CLPX: variants seen among roughly 807,000 people sequenced by gnomAD.
CLPX encodes the protein ATP-dependent clpX-like chaperone, mitochondrial.
In CLPX, 34 loss-of-function variants were observed where a neutral mutation model predicts 76.4. The observed-to-expected ratio is 0.45, with a 90% confidence interval of 0.34 to 0.59. The LOEUF is 0.59. CLPX is among the 20% of genes least tolerant of loss of function. The pLI, the probability that CLPX is intolerant of heterozygous loss-of-function variation, is 0.01. For synonymous variants in CLPX, 248 were observed against 270.9 expected (o/e 0.92, Z 0.83); for missense variants, 613 against 757.0 (o/e 0.81, Z 2.23).
chr15:65,152,224 G>A (rs190214065), intron 13 of CLPX, among the ~76,000 whole-genome samples: 3 of 152,048 alleles, frequency 2.0e-5, no homozygotes, highest in Admixed American at 2.0e-4. Flanking sequence ...CACCACACCC[G>A]GCCTGATGAT....
chr15:65,164,423 TG>T (rs1343163956), intron 4 of CLPX, among the ~76,000 whole-genome samples: 1 of 152,192 alleles, frequency 6.6e-6, no homozygotes, highest in Admixed American at 6.5e-5. Flanking sequence ...ACTCTACTAG[TG>T]TTGTGCTAAT....
rs749678591 is a variant in CLPX at position 65,152,485 on chromosome 15, A to G, written c.1756T>C (p.Cys586Arg). The change falls in exon 13 of 14, where the codon TGT becomes CGT. Residue 586 changes from cysteine (C) to arginine (R), a missense_variant. Physicochemically the swap from Cys to Arg is radical, Grantham distance 180. Coordinates refer to ENST00000300107, the MANE Select transcript of CLPX (RefSeq NM_006660.5). ...ACTACTTCTTTGTCAACCTCCACAC[A>G]TACGATATCAGAATTAGGGACTTCA... ...MFEVPNSDIV[C>R]VEVDKEVVEG... The G allele has an allele frequency of 3.8e-6, 6 of 1,562,226 alleles. No individual in the cohort carries two copies. In the East Asian group the frequency reaches 9.5e-5, roughly 25 times the overall value.
At chr15:65,169,062 C>G (rs377629576) in intron 3 of CLPX, among the ~76,000 whole-genome samples, 1 of 146,450 alleles carries the variant, frequency 6.8e-6, no homozygotes, top group Admixed American at 6.9e-5. Flanking sequence ...CTTGCTCTGT[C>G]GCCCAGGCTG....
chr15:65,165,557 G>A (rs1475149542), intron 4 of CLPX, among the ~76,000 whole-genome samples: 1 of 151,480 alleles, frequency 6.6e-6, no homozygotes, highest in Admixed American at 6.6e-5. Context: ...CTAATTTTTT[G>A]TATTTTTTTA....
intron 1 of CLPX, among the ~76,000 whole-genome samples, chr15:65,183,498 AG>A: frequency 6.7e-6 from 1 of 150,096 alleles, no homozygotes; most frequent in Non-Finnish European, 1.5e-5. Flanking sequence ...AAAATAAGAC[AG>A]ACAGAAAGAC....
rs1480168918 is a variant in CLPX at position 65,148,390 on chromosome 15, T to C, written c.*2433A>G. 1 of 152,214 alleles carries C rather than the reference T, an allele frequency of 6.6e-6. No individual in the cohort carries two copies. The highest frequency in any genetic ancestry group is 2.4e-5 in the African/African-American group (1 of 41,450). The allele number at this position is 152,214 out of a possible 1,614,324, so 9.4% of individuals were successfully genotyped here. A position where few individuals can be genotyped will look rare whatever the true frequency, so the allele number is the denominator to read the frequency against. On this transcript the variant is annotated 3_prime_UTR_variant, in exon 14 of 14. Coordinates refer to ENST00000300107, the MANE Select transcript of CLPX (RefSeq NM_006660.5). ...CATTTCTGGAGGATTAACCTTAATA[T>C]GTTTAGCAGCTAGTCTGATTTCCAC...
chr15:65,158,545 A>G, intron 7 of CLPX, 30 bp downstream of exon 7: 1 of 1,553,284 alleles, frequency 6.4e-7, no homozygotes. Flanking sequence ...TTTTAAAATG[A>G]GTAGTAAATT....
At chr15:65,157,702 C>A (rs1329935242) in intron 8 of CLPX, 44 bp downstream of exon 8, 1 of 1,536,292 alleles carries the variant, frequency 6.5e-7, no homozygotes, top group South Asian at 1.2e-5. Context: ...TAGACTGATT[C>A]CCCAATATTC....
rs2087699453 is a variant in CLPX, at chr15:65,149,930, A to T, written c.*893T>A. The T allele has an allele frequency of 6.5e-6, 1 of 154,794 alleles. No individual in the cohort carries two copies. The highest frequency in any genetic ancestry group is 1.4e-5 in the Non-Finnish European group (1 of 69,698). The allele number at this position is 154,794 out of a possible 1,614,324, so 9.6% of individuals were successfully genotyped here. A position where few individuals can be genotyped will look rare whatever the true frequency, so the allele number is the denominator to read the frequency against. On this transcript the variant is annotated 3_prime_UTR_variant, in exon 14 of 14. Coordinates refer to ENST00000300107, the MANE Select transcript of CLPX (RefSeq NM_006660.5). ...GGTAAGAAAATGGCCTTTTTTACAG[A>T]ACCAATTGGGAAGTTAGTGTCATGC...
Position 65,150,740 on chromosome 15 carries a change from C to T in CLPX, c.*83G>A. ...TATGATATCCAAGATAGATCCAATGCCTTTAATATCAGACTGTAGAGACAA... is the reference window on the plus strand; with the variant it reads ...TATGATATCCAAGATAGATCCAATGTCTTTAATATCAGACTGTAGAGACAA... On this transcript the variant is annotated 3_prime_UTR_variant, in exon 14 of 14. Coordinates refer to ENST00000300107, the MANE Select transcript of CLPX (RefSeq NM_006660.5). The T allele has an allele frequency of 1.1e-6, 1 of 874,976 alleles. No individual in the cohort carries two copies. The allele number at this position is 874,976 out of a possible 1,614,324, so 54.2% of individuals were successfully genotyped here. A position where few individuals can be genotyped will look rare whatever the true frequency, so the allele number is the denominator to read the frequency against.
chr15:65,178,107 T>C (rs1292701260), intron 3 of CLPX, among the ~76,000 whole-genome samples: 3 of 152,172 alleles, frequency 2.0e-5, no homozygotes, highest in Non-Finnish European at 4.4e-5. Context: ...ATTTCTTCCT[T>C]CTCTGAGTGT....
chr15:65,172,199 G>A (rs2088018841), intron 3 of CLPX, among the ~76,000 whole-genome samples: 1 of 152,064 alleles, frequency 6.6e-6, no homozygotes, highest in Non-Finnish European at 1.5e-5. Context: ...CCAACCTCAG[G>A]TGATCCACCC....
intron 8 of CLPX, among the ~76,000 whole-genome samples, 198 bp downstream of exon 8, chr15:65,157,548 A>G (rs1443760625): frequency 6.6e-6 from 1 of 152,228 alleles, no homozygotes; most frequent in Admixed American, 6.5e-5. Context: ...TTTGAATCCT[A>G]CCAGCCAGCT....
intron 5 of CLPX, among the ~76,000 whole-genome samples, chr15:65,163,347 T>G (rs1391935664): frequency 6.6e-6 from 1 of 152,196 alleles, no homozygotes; most frequent in Admixed American, 6.6e-5. Context: ...TTCATTGAAA[T>G]AAATTATACA....
chr15:65,154,036 T>A (rs980215662), intron 11 of CLPX, among the ~76,000 whole-genome samples: 1 of 152,144 alleles, frequency 6.6e-6, no homozygotes, highest in Non-Finnish European at 1.5e-5. Context: ...GGGGGAGACA[T>A]CTAAATAAGA....
In CLPX at chr15:65,154,776, T is replaced by C. The variant is rs2087765652; in HGVS notation, c.1611+6A>G. ...AATAACTAAGTACAAAAAATAAAAA[T>C]CTAACCTTATCCATGCTGAATAAGG... On this transcript the variant is annotated splice_donor_region_variant and intron_variant, in intron 11 of 13. Transcript: ENST00000300107. The C allele has an allele frequency of 6.4e-7, 1 of 1,574,460 alleles. No homozygotes were observed. Among genetic ancestry groups the C allele is most frequent in the Non-Finnish European group, 8.7e-7 (1 of 1,155,940 alleles).
chr15:65,179,303 A>G (rs911003546), intron 2 of CLPX, among the ~76,000 whole-genome samples: 14 of 152,206 alleles, frequency 9.2e-5, no homozygotes, highest in African/African-American at 3.4e-4. Flanking sequence ...TATATAATAA[A>G]CAGCTTTCAT....
At chr15:65,164,441 T>C (rs1234427990) in intron 4 of CLPX, among the ~76,000 whole-genome samples, 1 of 152,218 alleles carries the variant, frequency 6.6e-6, no homozygotes, top group Non-Finnish European at 1.5e-5. Flanking sequence ...TAATTTCTAT[T>C]CTATAAACAA....
chr15:65,169,607 T>TCACC (rs1404364313), intron 3 of CLPX, among the ~76,000 whole-genome samples: 1 of 151,972 alleles, frequency 6.6e-6, no homozygotes, highest in Non-Finnish European at 1.5e-5. Flanking sequence ...ACCCAGCTAC[T>TCACC]CAGCAGGCTG....
Sources: gnomAD v4.1 joint callset for allele counts (sites outside exome capture counted in the v4.1 genomes callset) on GRCh38, gnomAD v4.1.1 for gene constraint, MANE v1.5 for transcripts, NCBI Gene and HGNC (gene_info 2026-07-23, HGNC 2026-07-21) for gene names.